KCTD20: variants seen among roughly 807,000 people sequenced by gnomAD.
KCTD20 encodes the protein BTB/POZ domain-containing protein KCTD20.
In KCTD20, 30 loss-of-function variants were observed where a neutral mutation model predicts 39.6. That is an observed-to-expected ratio of 0.76 (90% CI 0.57 to 1.03). The LOEUF (loss-of-function observed/expected upper bound fraction) is 1.03. Among genes scored for constraint, KCTD20 ranks in the 50% least tolerant of loss-of-function variants. The pLI is 0.00. For missense variants in KCTD20, 422 were observed against 522.0 expected (o/e 0.81, Z 1.87); for synonymous variants, 162 against 180.6 (o/e 0.90, Z 0.83).
rs1048508218 is a variant in KCTD20, at chr6:36,469,903, G to T, written c.-46-149G>T. The T allele has an allele frequency of 2.3e-6, 1 of 432,898 alleles. No individual in the cohort carries two copies. The highest frequency in any genetic ancestry group is 4.1e-6 in the Non-Finnish European group (1 of 244,642). 26.8% of individuals were successfully genotyped at this position (432,898 alleles called of 1,614,324 possible). On this transcript the variant is annotated intron_variant, in intron 1 of 7. Coordinates refer to ENST00000373731, the MANE Select transcript of KCTD20 (RefSeq NM_173562.5). The surrounding 1 kb of genome is among the most constrained non-coding windows in gnomAD (Gnocchi z 4.6). ...CATTTAAATCAGCCTGATTCCTATC[G>T]ATATAAAAATCACAAAAATGTTTAA...
intron 2 of KCTD20, among the ~76,000 whole-genome samples, chr6:36,470,585 T>C (rs891436209): frequency 7.9e-5 from 12 of 152,160 alleles, no homozygotes; most frequent in Admixed American, 3.3e-4. Flanking sequence ...CCCTGCTTTT[T>C]CTTTACTTTA....
intron 5 of KCTD20, 104 bp from the exon 6 acceptor site, chr6:36,481,458 C>G (rs1776246427): frequency 1.2e-6 from 1 of 843,540 alleles, no homozygotes; most frequent in South Asian, 1.5e-5. Flanking sequence ...TGCCACTTCT[C>G]TGAACCTCAT....
intron 1 of KCTD20, among the ~76,000 whole-genome samples, chr6:36,453,381 G>A (rs1775326519): frequency 6.6e-6 from 1 of 151,952 alleles, no homozygotes; most frequent in Admixed American, 6.6e-5. Flanking sequence ...AGTTGAGCTT[G>A]TGTTTTCTTT....
At chr6:36,455,964 A>G (rs975213931) in intron 1 of KCTD20, among the ~76,000 whole-genome samples, 3 of 152,346 alleles carry the variant, frequency 2.0e-5, no homozygotes, top group Admixed American at 1.3e-4. Context: ...AGCCTAGCCA[A>G]GTTGATACAT....
chr6:36,454,041 C>G (rs1329665775), intron 1 of KCTD20, among the ~76,000 whole-genome samples: 1 of 152,178 alleles, frequency 6.6e-6, no homozygotes, highest in Non-Finnish European at 1.5e-5. Context: ...GAGAACATAA[C>G]TATTCTTTCA....
intron 1 of KCTD20, among the ~76,000 whole-genome samples, chr6:36,444,524 A>T (rs1774979823): frequency 6.6e-6 from 1 of 151,950 alleles, no homozygotes. Context: ...ATTAGGCCAA[A>T]TCTCCTCCGC....
chr6:36,481,438 C>G, intron 5 of KCTD20, 124 bp from the exon 6 acceptor site: 1 of 709,226 alleles, frequency 1.4e-6, no homozygotes, highest in Non-Finnish European at 2.5e-6. Flanking sequence ...AATCTCTTTG[C>G]CTTTAAATGT....
In KCTD20 at chr6:36,490,865, T is replaced by TATTC. The variant is rs1171213163; in HGVS notation, c.*3692_*3695dup. On this transcript the variant is annotated 3_prime_UTR_variant, in exon 8 of 8. Coordinates refer to ENST00000373731, the MANE Select transcript of KCTD20 (RefSeq NM_173562.5). ...TTTAAGTCAAGGGTTTGTAGTAATG[T>TATTC]ATTCAGTGCCACTTCTTGCCATCAC... 1 of 152,208 alleles carries TATTC rather than the reference T, an allele frequency of 6.6e-6. No homozygotes were observed. The highest frequency in any genetic ancestry group is 6.5e-5 in the Admixed American group (1 of 15,274). 9.4% of individuals were successfully genotyped at this position (152,208 alleles called of 1,614,324 possible).
In KCTD20 at chr6:36,479,166, G is replaced by C; in HGVS notation, c.480G>C (p.Glu160Asp). Residue 160 changes from glutamate (E) to aspartate (D), a missense_variant, in exon 4 of 8, where the codon GAG becomes GAC. Transcript: ENST00000373731. ...GREYNFTRPN[E>D]KGEYEIAEGI... Reference sequence around the variant, plus strand: ...AGTACAACTTCACTCGGCCCAATGAGAAGGGAGAGTATGAGATTGCTGAAG... The same window carrying C: ...AGTACAACTTCACTCGGCCCAATGACAAGGGAGAGTATGAGATTGCTGAAG... 6.2e-7 allele frequency: 1 copy of C among 1,614,088 alleles called. No individual in the cohort carries two copies. Among genetic ancestry groups the C allele is most frequent in the Non-Finnish European group, 8.5e-7 (1 of 1,179,942 alleles).
rs1775841920 is a variant in KCTD20, at chr6:36,469,180, C to A, written c.-46-872C>A. 6.6e-6 allele frequency among the ~76,000 whole-genome samples: 1 copy of A among 152,164 alleles called. No homozygotes were observed. Among genetic ancestry groups the A allele is most frequent in the African/African-American group, 2.4e-5 (1 of 41,452 alleles). On this transcript the variant is annotated intron_variant, in intron 1 of 7. Coordinates refer to ENST00000373731, the MANE Select transcript of KCTD20 (RefSeq NM_173562.5). This position sits in a 1 kb window ranked among gnomAD's most constrained non-coding sequence, Gnocchi z 4.6. ...AAATTACTGGTGATTTAAGATGATT[C>A]TTCCACCAGAATGCCAGTGGAAATT...
chr6:36,465,033 C>T (rs1038932358), intron 1 of KCTD20, among the ~76,000 whole-genome samples: 1 of 152,122 alleles, frequency 6.6e-6, no homozygotes, highest in African/African-American at 2.4e-5. Context: ...AATGGTGGCT[C>T]ACGCCTGTAA....
intron 7 of KCTD20, among the ~76,000 whole-genome samples, chr6:36,485,386 C>T (rs182933151): frequency 7.3e-4 from 111 of 151,674 alleles, no homozygotes; most frequent in Middle Eastern, 6.8e-3. Flanking sequence ...TTTGAATGAT[C>T]TTGAGCAGTG....
At chr6:36,480,031 G>T (rs962483889) in intron 5 of KCTD20, among the ~76,000 whole-genome samples, 11 of 152,060 alleles carry the variant, frequency 7.2e-5, no homozygotes, top group Non-Finnish European at 1.6e-4. Flanking sequence ...GACCTCAGGT[G>T]ATCCGCCCGC....
chr6:36,482,397 C>A (rs1776277349), intron 6 of KCTD20, among the ~76,000 whole-genome samples: 1 of 151,890 alleles, frequency 6.6e-6, no homozygotes, highest in African/African-American at 2.4e-5. Context: ...ACTAAAAATA[C>A]AAAAAATAAG....
At chr6:36,483,371 T>A (rs1053888697) in intron 6 of KCTD20, among the ~76,000 whole-genome samples, 1 of 148,258 alleles carries the variant, frequency 6.7e-6, no homozygotes, top group African/African-American at 2.5e-5. Flanking sequence ...TGCCACCACG[T>A]CCGGCTAATT....
rs767409150 is a variant in KCTD20 at position 36,488,841 on chromosome 6, A to C, written c.*1666A>C. 6.6e-6 allele frequency: 1 copy of C among 152,670 alleles called. No individual in the cohort carries two copies. The allele number at this position is 152,670 out of a possible 1,614,324, so 9.5% of individuals were successfully genotyped here. On this transcript the variant is annotated 3_prime_UTR_variant, in exon 8 of 8. Coordinates refer to ENST00000373731, the MANE Select transcript of KCTD20 (RefSeq NM_173562.5). ...AGTGTTCTTACGTTCTCTGCATGTG[A>C]CTAGCATCACTGTGGAAATTAATGC...
At position 36,479,169 on chromosome 6, in the gene KCTD20, G is replaced by A. The variant is rs1169525019; in HGVS notation, c.483G>A (p.Lys161=). Residue 161 remains lysine (K), a synonymous_variant, in exon 4 of 8, where the codon AAG becomes AAA. Transcript: ENST00000373731. The part of the protein sequence containing the change: ...REYNFTRPNE[K]GEYEIAEGIS... ...ACAACTTCACTCGGCCCAATGAGAAGGGAGAGTATGAGATTGCTGAAGGCA... is the reference window on the plus strand; with the variant it reads ...ACAACTTCACTCGGCCCAATGAGAAAGGAGAGTATGAGATTGCTGAAGGCA... The A allele has an allele frequency of 6.2e-7, 1 of 1,614,066 alleles. No homozygotes were observed. The highest frequency in any genetic ancestry group is 8.5e-7 in the Non-Finnish European group (1 of 1,179,966).
chr6:36,446,781 C>G (rs1775061360), intron 1 of KCTD20, among the ~76,000 whole-genome samples: 1 of 152,096 alleles, frequency 6.6e-6, no homozygotes, highest in African/African-American at 2.4e-5. Context: ...AGAAAGAGGG[C>G]CTTTTGATGT....
chr6:36,448,040 T>TATATATATATATATATATATATATATATA (rs1561940752), intron 1 of KCTD20, among the ~76,000 whole-genome samples: 10 of 146,214 alleles, frequency 6.8e-5, no homozygotes, highest in African/African-American at 1.3e-4. Context: ...TATATATATA[T>TATATATATATATATATATATATATATATA]TTGAAATACT....
Sources: allele counts gnomAD v4.1 joint callset (sites outside exome capture counted in the v4.1 genomes callset), GRCh38; gene constraint gnomAD v4.1.1; non-coding constraint Gnocchi (gnomAD v3.1); transcripts MANE v1.5; gene names NCBI Gene and HGNC (gene_info 2026-07-23, HGNC 2026-07-21).